Variants in PPARGC1A observed in about 807,000 individuals in gnomAD.
PPARGC1A encodes the protein PPARG coactivator 1 alpha, also known as peroxisome proliferator-activated receptor gamma coactivator 1-alpha.
In PPARGC1A, 25 loss-of-function variants were observed where a neutral mutation model predicts 88.7. The ratio of observed to expected loss-of-function variants is 0.28; its 90% CI spans 0.21 to 0.39. The LOEUF is 0.39. Among genes scored for constraint, PPARGC1A ranks in the 10% least tolerant of loss-of-function variants. The pLI, the probability that PPARGC1A is intolerant of heterozygous loss-of-function variation, is 1.00. For missense variants in PPARGC1A, 880 were observed against 968.7 expected (o/e 0.91, Z 1.22); for synonymous variants, 363 against 355.6 (o/e 1.02, Z -0.24).
chr4:24,388,943 A>G, the PPARGC1A span, among the ~76,000 whole-genome samples: 4 of 152,204 alleles, frequency 2.6e-5, no homozygotes, highest in African/African-American at 9.6e-5. Flanking sequence ...CGTTCTGCAC[A>G]TGTATCCCAG....
chr4:24,427,906 T>C, the PPARGC1A span, among the ~76,000 whole-genome samples: 2 of 151,708 alleles, frequency 1.3e-5, no homozygotes, highest in African/African-American at 2.4e-5. Context: ...AGGCCAGGAG[T>C]TGGAGACCAG....
chr4:23,868,267 G>A (rs1248623784), intron 2 of PPARGC1A, among the ~76,000 whole-genome samples: 1 of 152,216 alleles, frequency 6.6e-6, no homozygotes, highest in African/African-American at 2.4e-5. Flanking sequence ...AGCAAGTCTT[G>A]TAGCTGAGTT....
chr4:23,889,782 C>G, intron 1 of PPARGC1A, 122 bp downstream of exon 1: 1 of 1,171,970 alleles, frequency 8.5e-7, no homozygotes, highest in Non-Finnish European at 1.2e-6. Context: ...CTTCTAAAAG[C>G]TCCTGCCTGG....
chr4:24,102,906 T>G, the PPARGC1A span, among the ~76,000 whole-genome samples: 3 of 151,906 alleles, frequency 2.0e-5, no homozygotes, highest in Non-Finnish European at 2.9e-5. Context: ...GAATCAGGAG[T>G]GTGAACAGAT....
At chr4:23,908,382 A>G (rs1373269912), upstream of PPARGC1A, among the ~76,000 whole-genome samples, 4 of 152,196 alleles carry the variant, frequency 2.6e-5, no homozygotes, top group African/African-American at 7.2e-5. Context: ...AAACTACACT[A>G]TAACTACCCA....
the PPARGC1A span, among the ~76,000 whole-genome samples, chr4:24,104,889 C>T: frequency 6.6e-6 from 1 of 152,146 alleles, no homozygotes; most frequent in Non-Finnish European, 1.5e-5. Flanking sequence ...CTGCAGTTCA[C>T]CAGCTGTGTA....
chr4:23,824,614 TA>T, intron 5 of PPARGC1A, 106 bp from the exon 6 acceptor site: 1 of 953,026 alleles, frequency 1.0e-6, no homozygotes, highest in Non-Finnish European at 1.6e-6. Context: ...ACTCAAAGAC[TA>T]AACTAAGGAA....
At chr4:24,293,557 T>C in the PPARGC1A span, among the ~76,000 whole-genome samples, 1 of 48,938 alleles carries the variant, frequency 2.0e-5, no homozygotes, top group African/African-American at 1.2e-4. Context: ...CCTACCCCCT[T>C]ACCCCTACCC....
At chr4:23,818,007 AC>A (rs1412450881) in intron 7 of PPARGC1A, among the ~76,000 whole-genome samples, 1 of 152,048 alleles carries the variant, frequency 6.6e-6, no homozygotes, top group Non-Finnish European at 1.5e-5. Context: ...GCTACCCACA[AC>A]TTTCCCCCCT....
At chr4:24,398,619 C>G in the PPARGC1A span, among the ~76,000 whole-genome samples, 1 of 152,220 alleles carries the variant, frequency 6.6e-6, no homozygotes, top group African/African-American at 2.4e-5. Flanking sequence ...GTACTTGCAG[C>G]TCTCATTCTG....
chr4:23,931,160 G>C, the PPARGC1A span, among the ~76,000 whole-genome samples: 36 of 152,304 alleles, frequency 2.4e-4, no homozygotes, highest in African/African-American at 7.7e-4. Context: ...TTCTGAGCTT[G>C]TGCTGGGACT....
the PPARGC1A span, among the ~76,000 whole-genome samples, chr4:24,236,250 G>C: frequency 6.6e-6 from 1 of 152,148 alleles, no homozygotes; most frequent in Non-Finnish European, 1.5e-5. Flanking sequence ...TTTGGGAGGA[G>C]TGAGCAAGCT....
intron 10 of PPARGC1A, 113 bp from the exon 11 acceptor site, chr4:23,802,458 T>A: frequency 7.6e-7 from 1 of 1,314,776 alleles, no homozygotes; most frequent in East Asian, 2.4e-5. Context: ...GGCAGGTGGA[T>A]CATGAGGTCA....
At chr4:24,133,420 T>G in the PPARGC1A span, among the ~76,000 whole-genome samples, 18 of 152,204 alleles carry the variant, frequency 1.2e-4, no homozygotes, top group Admixed American at 1.2e-3. Flanking sequence ...ATATTTACAC[T>G]ACAGAAATAA....
the PPARGC1A span, among the ~76,000 whole-genome samples, chr4:24,463,517 C>T: frequency 6.6e-6 from 1 of 152,288 alleles, no homozygotes; most frequent in African/African-American, 2.4e-5. Flanking sequence ...GCGGAACTGC[C>T]GTCATCATCC....
At chr4:23,906,818 A>T (rs1720105581), upstream of PPARGC1A, among the ~76,000 whole-genome samples, 1 of 152,124 alleles carries the variant, frequency 6.6e-6, no homozygotes, top group Admixed American at 6.5e-5. Flanking sequence ...ACATGGATTA[A>T]GGTCACTCAA....
At chr4:24,035,077 C>T in the PPARGC1A span, among the ~76,000 whole-genome samples, 1 of 152,172 alleles carries the variant, frequency 6.6e-6, no homozygotes, top group African/African-American at 2.4e-5. Context: ...TTGCTCATTG[C>T]TCTGCTTCAG....
At chr4:24,226,589 T>C in the PPARGC1A span, among the ~76,000 whole-genome samples, 1 of 152,198 alleles carries the variant, frequency 6.6e-6, no homozygotes, top group Non-Finnish European at 1.5e-5. Flanking sequence ...TCGCAGCCTT[T>C]CGTTTTGGGT....
the PPARGC1A span, among the ~76,000 whole-genome samples, chr4:24,047,236 T>C: frequency 6.6e-6 from 1 of 152,224 alleles, no homozygotes; most frequent in South Asian, 2.1e-4. Context: ...ATTTGCCTGA[T>C]TTATTTTTCT....
Sources: gnomAD v4.1 joint callset for allele counts (sites outside exome capture counted in the v4.1 genomes callset) on GRCh38, gnomAD v4.1.1 for gene constraint, MANE v1.5 for transcripts, NCBI Gene and HGNC (gene_info 2026-07-23, HGNC 2026-07-21) for gene names.